Variants in FER1L6 observed in about 807,000 individuals in gnomAD.
The protein encoded by FER1L6 is fer-1 like family member 6, also known as fer-1-like protein 6.
Under a neutral mutation model 219.2 loss-of-function variants are expected in FER1L6, and 177 were observed. The observed-to-expected ratio is 0.81, with a 90% confidence interval of 0.71 to 0.91. The LOEUF (loss-of-function observed/expected upper bound fraction) is 0.91. Among genes scored for constraint, FER1L6 ranks in the 40% least tolerant of loss-of-function variants. The probability of loss-of-function intolerance (pLI) is 0.00; values close to 1 mark genes in which losing one functional copy is unlikely to be tolerated. For synonymous variants in FER1L6, 768 were observed against 824.3 expected, an observed-to-expected ratio of 0.93 and a Z score of 1.17; for missense variants, 2,153 against 2,259.9, an observed-to-expected ratio of 0.95 and a Z score of 0.96.
intron 18 of FER1L6, among the ~76,000 whole-genome samples, chr8:124,027,512 A>G (rs11784115): frequency 0.59 from 89,777 of 151,988 alleles, 27,045 homozygotes; most frequent in African/African-American, 0.67. Flanking sequence ...TCCCCCTCAT[A>G]TCCAGCGAGT....
At chr8:123,960,751 T>A (rs1229847503) in intron 2 of FER1L6, among the ~76,000 whole-genome samples, 7 of 152,092 alleles carry the variant, frequency 4.6e-5, no homozygotes, top group Non-Finnish European at 7.4e-5. Context: ...TAAGGATACA[T>A]GTGATTGCAA....
At position 123,966,181 on chromosome 8, in the gene FER1L6, C is replaced by A; in HGVS notation, c.275C>A (p.Ala92Asp). 2.5e-6 allele frequency: 4 copies of A among 1,614,062 alleles called. No individual in the cohort carries two copies. The highest frequency in any genetic ancestry group is 2.2e-5 in the East Asian group (1 of 44,850). Residue 92 changes from alanine (A) to aspartate (D), a missense_variant, in exon 5 of 41, where the codon GCT becomes GAT. Physicochemically the swap from Ala to Asp is moderately radical, Grantham distance 126. Coordinates refer to ENST00000522917, the MANE Select transcript of FER1L6 (RefSeq NM_001039112.2). ...NYQIAITITE[A>D]RQLVGENIDP... ...CAGATTGCCATAACCATCACCGAGG[C>A]TCGCCAGCTGGTGGGTGAGAACATT...
intron 5 of FER1L6, among the ~76,000 whole-genome samples, chr8:123,969,210 A>T (rs2130244195): frequency 6.6e-6 from 1 of 152,234 alleles, no homozygotes; most frequent in South Asian, 2.1e-4. Flanking sequence ...CTTATCTGTA[A>T]AACATGGGAC....
chr8:124,091,402 TGTTCTCC>T lies in FER1L6; in HGVS notation c.4392-20_4392-14del, dbSNP rs746148584. ...TTCTTTAAGTGAGGACCTCAAAGTG[TGTTCTCC>T]CTCCACTTTTCAGAGAAGGATACAA... On this transcript the variant is annotated splice_polypyrimidine_tract_variant and intron_variant, in intron 33 of 40. Coordinates refer to ENST00000522917, the MANE Select transcript of FER1L6 (RefSeq NM_001039112.2). 1 of 1,609,434 alleles carries T rather than the reference TGTTCTCC, an allele frequency of 6.2e-7. No individual in the cohort carries two copies. Among genetic ancestry groups the T allele is most frequent in the South Asian group, 1.1e-5 (1 of 90,640 alleles).
In FER1L6 at chr8:123,966,235, A is replaced by T; in HGVS notation, c.329A>T (p.Asp110Val). 6.2e-7 allele frequency: 1 copy of T among 1,614,148 alleles called. No individual in the cohort carries two copies. The highest frequency in any genetic ancestry group is 8.5e-7 in the Non-Finnish European group (1 of 1,180,014). The change falls in exon 5 of 41, where the codon GAT becomes GTT. Residue 110 changes from aspartate to valine, a missense_variant. Coordinates refer to ENST00000522917, the MANE Select transcript of FER1L6 (RefSeq NM_001039112.2). ...IDPVVTIEIGDEKKQSTVKEG... is the reference protein window; with the variant it reads ...IDPVVTIEIGVEKKQSTVKEG... ...CCAGTTGTGACCATTGAGATTGGGG[A>T]TGAGAAGAAGCAAAGCACAGTGAAG... is the stretch of plus-strand genomic sequence containing the variant.
chr8:123,982,121 A>T (rs1052195513), intron 11 of FER1L6, among the ~76,000 whole-genome samples: 2 of 152,018 alleles, frequency 1.3e-5, no homozygotes, highest in Non-Finnish European at 2.9e-5. Flanking sequence ...TCTATATGGG[A>T]TTGTGTTTAG....
chr8:124,060,553 C>G lies in FER1L6; in HGVS notation c.2991C>G (p.Leu997=). The part of the protein sequence containing the change: ...PVLSKYRVEV[L]FWGVREMKKV... Reference sequence around the variant, plus strand: ...TCTGCTGGTCTTTTCCTCAGGTTCTCTTCTGGGGAGTTCGGGAAATGAAGA... The same window carrying G: ...TCTGCTGGTCTTTTCCTCAGGTTCTGTTCTGGGGAGTTCGGGAAATGAAGA... Residue 997 remains leucine, a synonymous_variant, in exon 24 of 41, where the codon CTC becomes CTG. Coordinates refer to ENST00000522917, the MANE Select transcript of FER1L6 (RefSeq NM_001039112.2). The G allele has an allele frequency of 6.2e-7, 1 of 1,613,980 alleles. No homozygotes were observed. The highest frequency in any genetic ancestry group is 8.5e-7 in the Non-Finnish European group (1 of 1,179,966).
intron 12 of FER1L6, among the ~76,000 whole-genome samples, chr8:123,991,446 T>C (rs929521363): frequency 6.6e-6 from 1 of 152,066 alleles, no homozygotes; most frequent in African/African-American, 2.4e-5. Context: ...ATTCCTAGTT[T>C]TTTTTTTCTT....
At chr8:124,063,541 C>T (rs1302038714) in intron 25 of FER1L6, among the ~76,000 whole-genome samples, 1 of 152,204 alleles carries the variant, frequency 6.6e-6, no homozygotes, top group East Asian at 1.9e-4. Context: ...ACCTATCATT[C>T]GTTTTCCCAA....
At chr8:124,083,155 A>G (rs1425468901) in intron 33 of FER1L6, among the ~76,000 whole-genome samples, 7 of 76,286 alleles carry the variant, frequency 9.2e-5, no homozygotes, top group Non-Finnish European at 1.9e-4. Context: ...TATATTATAA[A>G]CATCAAATTA....
At chr8:124,098,636 G>T (rs1466421571) in intron 37 of FER1L6, among the ~76,000 whole-genome samples, 1 of 152,100 alleles carries the variant, frequency 6.6e-6, no homozygotes, top group East Asian at 1.9e-4. Context: ...AAATGAATAA[G>T]ATTTTAACAA....
intron 11 of FER1L6, among the ~76,000 whole-genome samples, chr8:123,982,918 G>C (rs1816383259): frequency 6.6e-6 from 1 of 152,218 alleles, no homozygotes; most frequent in South Asian, 2.1e-4. Context: ...ATCCAAGAGG[G>C]AGCAAGACTG....
intron 38 of FER1L6, 64 bp downstream of exon 38, chr8:124,101,402 C>T (rs1822544586): frequency 2.0e-6 from 3 of 1,491,610 alleles, no homozygotes; most frequent in Middle Eastern, 2.2e-4. Flanking sequence ...TTTTGGAGAG[C>T]TTGGTCTGAT....
At chr8:123,875,755 G>T (rs1444016382) in intron 1 of FER1L6, among the ~76,000 whole-genome samples, 1 of 152,044 alleles carries the variant, frequency 6.6e-6, no homozygotes, top group Non-Finnish European at 1.5e-5. Flanking sequence ...CATTTCTCAA[G>T]TTTCTCAGGC....
chr8:124,089,833 T>G (rs1169929499), intron 33 of FER1L6, among the ~76,000 whole-genome samples: 1 of 152,240 alleles, frequency 6.6e-6, no homozygotes, highest in African/African-American at 2.4e-5. Flanking sequence ...ACCTGCTTGT[T>G]GTACTTATCC....
At chr8:123,988,686 C>T (rs1816709333) in intron 12 of FER1L6, among the ~76,000 whole-genome samples, 1 of 152,196 alleles carries the variant, frequency 6.6e-6, no homozygotes, top group African/African-American at 2.4e-5. Flanking sequence ...CATCCTGCAA[C>T]TTTACTGAAT....
intron 10 of FER1L6, among the ~76,000 whole-genome samples, chr8:123,979,479 G>C (rs1047548644): frequency 2.0e-5 from 3 of 152,140 alleles, no homozygotes; most frequent in Non-Finnish European, 4.4e-5. Flanking sequence ...GAACATGACA[G>C]AGCTGAGATT....
At chr8:123,930,785 G>A (rs948048326) in intron 1 of FER1L6, among the ~76,000 whole-genome samples, 30 of 152,190 alleles carry the variant, frequency 2.0e-4, no homozygotes, top group Admixed American at 6.5e-4. Flanking sequence ...CTGGCACGTG[G>A]TAGGACTTAA....
chr8:124,010,873 A>G (rs1817890070), intron 14 of FER1L6, among the ~76,000 whole-genome samples, 159 bp downstream of exon 14: 1 of 152,214 alleles, frequency 6.6e-6, no homozygotes, highest in Admixed American at 6.5e-5. Flanking sequence ...ATGCAAATCT[A>G]GGGGAATGAG....
Sources: allele counts gnomAD v4.1 joint callset (sites outside exome capture counted in the v4.1 genomes callset), GRCh38; gene constraint gnomAD v4.1.1; transcripts MANE v1.5; gene names NCBI Gene and HGNC (gene_info 2026-07-23, HGNC 2026-07-21).